NKAIN2: variants seen among roughly 807,000 people sequenced by gnomAD.
The protein encoded by NKAIN2 is sodium/potassium transporting ATPase interacting 2.
A neutral mutation model predicts 32.6 loss-of-function variants in NKAIN2; 14 were observed. The observed-to-expected ratio is 0.43, with a 90% CI of 0.28 to 0.67. The LOEUF (loss-of-function observed/expected upper bound fraction) is 0.67. Ranked by LOEUF, NKAIN2 falls within the 30% of genes least tolerant of loss-of-function variation. The pLI is 0.17. For missense variants in NKAIN2, 198 were observed against 258.3 expected (o/e 0.77, Z 1.60); for synonymous variants, 80 against 87.2 (o/e 0.92, Z 0.46).
At chr6:124,146,099 TAAGATA>T (rs150259600) in intron 1 of NKAIN2, among the ~76,000 whole-genome samples, 72 of 152,330 alleles carry the variant, frequency 4.7e-4, no homozygotes, top group Middle Eastern at 6.8e-3. Flanking sequence ...ATGTTACCTT[TAAGATA>T]AAGATTACAT....
At chr6:124,471,588 T>A (rs1226191565) in intron 3 of NKAIN2, among the ~76,000 whole-genome samples, 1 of 152,154 alleles carries the variant, frequency 6.6e-6, no homozygotes. Flanking sequence ...ATACATTAAG[T>A]ACTGTGTCTA....
intron 1 of NKAIN2, among the ~76,000 whole-genome samples, chr6:123,925,257 G>A (rs1484541274): frequency 6.6e-6 from 1 of 152,128 alleles, no homozygotes; most frequent in Non-Finnish European, 1.5e-5. Flanking sequence ...CCAATGCTAA[G>A]TTTGAATATA....
chr6:124,323,728 T>C (rs1465164464), intron 2 of NKAIN2, among the ~76,000 whole-genome samples: 1 of 151,972 alleles, frequency 6.6e-6, no homozygotes, highest in Non-Finnish European at 1.5e-5. Context: ...CAGTAATTTC[T>C]CTCACTTTCT....
At position 123,891,819 on chromosome 6, in the gene NKAIN2, C is replaced by CT. The variant is rs566307710; in HGVS notation, c.54+87572dup. Reference sequence around the variant, plus strand: ...TGCCAAATTTCTATTTCTTGCTTTACTTTTTTTGAAAGAAATAAAGAATAG... The same window carrying CT: ...TGCCAAATTTCTATTTCTTGCTTTACTTTTTTTTGAAAGAAATAAAGAATAG... On this transcript the variant is annotated intron_variant, in intron 1 of 6. Transcript: ENST00000368417. 3.3e-5 allele frequency among the ~76,000 whole-genome samples: 5 copies of CT among 152,224 alleles called. No individual in the cohort carries two copies. The East Asian group carries it at 9.7e-4, about 29-fold the overall frequency.
chr6:124,448,332 T>C (rs1471277811), intron 3 of NKAIN2, among the ~76,000 whole-genome samples: 1 of 152,152 alleles, frequency 6.6e-6, no homozygotes, highest in Non-Finnish European at 1.5e-5. Flanking sequence ...CCATCAGACA[T>C]TACTGAGAAC....
At chr6:123,868,080 G>A (rs182779751) in intron 1 of NKAIN2, among the ~76,000 whole-genome samples, 34 of 152,184 alleles carry the variant, frequency 2.2e-4, no homozygotes, top group Admixed American at 6.5e-4. Context: ...GTGTTAGCCA[G>A]GATGGTCTTG....
intron 3 of NKAIN2, among the ~76,000 whole-genome samples, chr6:124,522,498 T>G (rs1051897341): frequency 5.3e-5 from 8 of 152,196 alleles, no homozygotes; most frequent in Non-Finnish European, 1.5e-5. Context: ...AATGCCTCAG[T>G]GAATGGATGT....
At chr6:124,599,310 T>C (rs185768544) in intron 3 of NKAIN2, among the ~76,000 whole-genome samples, 301 of 152,180 alleles carry the variant, frequency 2.0e-3, no homozygotes, top group Non-Finnish European at 2.8e-3. Flanking sequence ...GTATGAAAGA[T>C]AATAACTGAT....
intron 1 of NKAIN2, among the ~76,000 whole-genome samples, chr6:123,834,702 A>AT (rs1200539141): frequency 1.3e-5 from 2 of 152,086 alleles, no homozygotes; most frequent in African/African-American, 2.4e-5. Context: ...TAGCTGTAGG[A>AT]TTTTTTGTAG....
intron 3 of NKAIN2, among the ~76,000 whole-genome samples, chr6:124,511,791 G>T (rs1039633245): frequency 2.0e-5 from 3 of 152,106 alleles, no homozygotes; most frequent in Non-Finnish European, 2.9e-5. Flanking sequence ...GGTTTCACCA[G>T]TCAATTTAAA....
intron 1 of NKAIN2, among the ~76,000 whole-genome samples, chr6:124,080,426 G>A (rs1414348604): frequency 1.3e-5 from 2 of 152,020 alleles, no homozygotes; most frequent in African/African-American, 4.8e-5. Flanking sequence ...GATTGTCAGA[G>A]ATATTTTTAA....
chr6:123,898,504 T>C (rs1384526160), intron 1 of NKAIN2, among the ~76,000 whole-genome samples: 1 of 151,894 alleles, frequency 6.6e-6, no homozygotes, highest in Non-Finnish European at 1.5e-5. Flanking sequence ...TTAATCAACA[T>C]TGTTTGGGTG....
chr6:123,911,805 A>ATATATATGTGTATATATATATATATGTG (rs1775206797), intron 1 of NKAIN2, among the ~76,000 whole-genome samples: 1 of 102,690 alleles, frequency 9.7e-6, no homozygotes, highest in East Asian at 2.6e-4. Flanking sequence ...ATATATGTAT[A>ATATATATGTGTATATATATATATATGTG]TATATATACA....
chr6:123,838,462 T>C (rs969831204), intron 1 of NKAIN2, among the ~76,000 whole-genome samples: 1 of 152,194 alleles, frequency 6.6e-6, no homozygotes, highest in East Asian at 1.9e-4. Context: ...AAAGTTATAA[T>C]ATTTATTCTG....
chr6:124,267,332 G>A (rs1328406622), intron 1 of NKAIN2, among the ~76,000 whole-genome samples: 1 of 151,986 alleles, frequency 6.6e-6, no homozygotes, highest in Non-Finnish European at 1.5e-5. Context: ...TTCTTCCAAT[G>A]TGTGGGCTGT....
intron 1 of NKAIN2, among the ~76,000 whole-genome samples, chr6:123,904,103 T>C (rs905486281): frequency 6.6e-6 from 1 of 151,990 alleles, no homozygotes; most frequent in Non-Finnish European, 1.5e-5. Context: ...TGGTGGTGCA[T>C]GCCTGTAATC....
intron 3 of NKAIN2, among the ~76,000 whole-genome samples, chr6:124,626,407 C>G (rs1237708429): frequency 6.6e-6 from 1 of 150,696 alleles, no homozygotes; most frequent in Non-Finnish European, 1.5e-5. Flanking sequence ...ATAATCGTAA[C>G]AAGAAGCAGG....
At chr6:124,679,885 A>G (rs1773535938) in intron 4 of NKAIN2, among the ~76,000 whole-genome samples, 1 of 152,190 alleles carries the variant, frequency 6.6e-6, no homozygotes, top group African/African-American at 2.4e-5. Context: ...TTTACATGAG[A>G]GCTGGGCTAT....
At chr6:124,427,073 C>T (rs1257554370) in intron 3 of NKAIN2, among the ~76,000 whole-genome samples, 1 of 152,174 alleles carries the variant, frequency 6.6e-6, no homozygotes, top group Non-Finnish European at 1.5e-5. Flanking sequence ...TAAAATATTA[C>T]AACCATTTTG....
Sources: allele counts gnomAD v4.1 joint callset (sites outside exome capture counted in the v4.1 genomes callset), GRCh38; gene constraint gnomAD v4.1.1; transcripts MANE v1.5; gene names NCBI Gene and HGNC (gene_info 2026-07-23, HGNC 2026-07-21).